Variants in KDM4C observed in about 807,000 individuals in gnomAD.
KDM4C encodes lysine demethylase 4C.
In KDM4C, 81 loss-of-function variants were observed where a neutral mutation model predicts 129.3. That is an observed-to-expected ratio of 0.63 (90% CI 0.52 to 0.75). KDM4C has a LOEUF of 0.75. Ranked by LOEUF, KDM4C falls within the 30% of genes least tolerant of loss-of-function variation. KDM4C has a pLI of 0.00. For missense variants in KDM4C, 1,457 were observed against 1,304.0 expected, an observed-to-expected ratio of 1.12 and a Z score of -1.81; for synonymous variants, 573 against 456.1, an observed-to-expected ratio of 1.26 and a Z score of -3.26.
chr9:7,050,402 G>A (rs1411536730), intron 17 of KDM4C, among the ~76,000 whole-genome samples: 4 of 115,920 alleles, frequency 3.5e-5, no homozygotes, highest in Admixed American at 1.2e-4. Context: ...TCAGCTCCTG[G>A]ACTTCCATAG....
At chr9:7,056,807 C>G (rs1481684555) in intron 17 of KDM4C, among the ~76,000 whole-genome samples, 2 of 152,128 alleles carry the variant, frequency 1.3e-5, no homozygotes, top group Non-Finnish European at 2.9e-5. Flanking sequence ...TTTTTCTGAT[C>G]TTGTCTGTGT....
At chr9:6,919,982 A>G (rs1309695092) in intron 8 of KDM4C, among the ~76,000 whole-genome samples, 1 of 152,208 alleles carries the variant, frequency 6.6e-6, no homozygotes, top group Non-Finnish European at 1.5e-5. Context: ...GAATTGCCTG[A>G]CAAGTTCTTC....
At chr9:6,925,504 C>A in intron 8 of KDM4C, 1 of 841,084 alleles carries the variant, frequency 1.2e-6, no homozygotes, top group Non-Finnish European at 1.4e-6. Context: ...CCATCTTGCT[C>A]ATGCTGCTTT....
In KDM4C at chr9:7,113,088, AAGAG is replaced by A. The variant is rs1838512542; in HGVS notation, c.2610+9222_2610+9225del. Reference sequence around the variant, plus strand: ...TGAATTTGCAGTGTTATTATTGACAAAGAGAGATTTCTGACCAAAGCAAAGGGAT... The same window carrying A: ...TGAATTTGCAGTGTTATTATTGACAAAGATTTCTGACCAAAGCAAAGGGAT... On this transcript the variant is annotated intron_variant, in intron 18 of 21. Coordinates refer to ENST00000381309, the MANE Select transcript of KDM4C (RefSeq NM_015061.6). Among the ~76,000 whole-genome samples, 3 of 152,306 alleles carry A rather than the reference AAGAG, an allele frequency of 2.0e-5. No individual in the cohort carries two copies. The South Asian group carries it at 6.2e-4, about 32-fold the overall frequency.
At chr9:6,797,267 A>C (rs1588327712) in intron 2 of KDM4C, among the ~76,000 whole-genome samples, 1 of 152,114 alleles carries the variant, frequency 6.6e-6, no homozygotes, top group South Asian at 2.1e-4. Context: ...GATTACAGGC[A>C]TGAGCCACTG....
In KDM4C at chr9:6,916,273, T is replaced by A. The variant is rs552449688; in HGVS notation, c.921+23041T>A. The stretch of plus-strand genomic sequence containing the variant: ...TTTATTCTGAGTGATGGGGAGCCTA[T>A]GAGCATTTTAAAGAAGAGGTTCAAT... On this transcript the variant is annotated intron_variant, in intron 8 of 21. Transcript: ENST00000381309. Among the ~76,000 whole-genome samples, 3 of 152,256 alleles carry A rather than the reference T, an allele frequency of 2.0e-5. No individual in the cohort carries two copies. In the South Asian group the frequency reaches 6.2e-4, roughly 32 times the overall value.
At chr9:6,788,466 C>A (rs1825907287) in intron 1 of KDM4C, among the ~76,000 whole-genome samples, 1 of 152,202 alleles carries the variant, frequency 6.6e-6, no homozygotes. Flanking sequence ...TCTCACTGCC[C>A]AGATTTTTCT....
intron 2 of KDM4C, among the ~76,000 whole-genome samples, chr9:6,804,539 C>G (rs976794725): frequency 3.9e-5 from 6 of 152,114 alleles, no homozygotes; most frequent in African/African-American, 1.2e-4. Flanking sequence ...ACGGGTGGAT[C>G]ATGAGGTCAG....
chr9:6,885,371 G>A lies in KDM4C; in HGVS notation c.680-2589G>A, dbSNP rs548475405. ...AACATCCTTTGGATGGGTATAGCAC[G>A]TGATCCTTGAGAGAGCTTATGAGAT... On this transcript the variant is annotated intron_variant, in intron 6 of 21. Coordinates refer to ENST00000381309, the MANE Select transcript of KDM4C (RefSeq NM_015061.6). 9.9e-4 allele frequency among the ~76,000 whole-genome samples: 150 copies of A among 152,240 alleles called. 1 individual carries two copies. Among genetic ancestry groups the A allele is most frequent in the Non-Finnish European group, 1.5e-3 (100 of 68,014 alleles).
At chr9:6,952,346 C>T (rs959049601) in intron 8 of KDM4C, among the ~76,000 whole-genome samples, 1 of 150,722 alleles carries the variant, frequency 6.6e-6, no homozygotes, top group African/African-American at 2.4e-5. Flanking sequence ...GAGTATGAAA[C>T]CATTCAGTAA....
At chr9:6,827,053 A>C (rs1003113646) in intron 4 of KDM4C, among the ~76,000 whole-genome samples, 2 of 152,282 alleles carry the variant, frequency 1.3e-5, no homozygotes, top group Non-Finnish European at 2.9e-5. Flanking sequence ...GGGTGGCCAG[A>C]TCGCTGCTAA....
chr9:6,737,673 A>G (rs1817569618), intron 1 of KDM4C, among the ~76,000 whole-genome samples: 1 of 151,240 alleles, frequency 6.6e-6, no homozygotes, highest in African/African-American at 2.4e-5. Context: ...TCAAAAAAAA[A>G]AAAAAAAAAA....
rs750005411 is a variant in KDM4C, at chr9:6,805,559, A to G, written c.145-40A>G. The stretch of plus-strand genomic sequence containing the variant: ...ACTTAAAAGCTAAATTACTTGGAGT[A>G]TTTTCAAGATGATATTTTATTTCAT... On this transcript the variant is annotated intron_variant, in intron 2 of 21. Coordinates refer to ENST00000381309, the MANE Select transcript of KDM4C (RefSeq NM_015061.6). 2.1e-5 allele frequency: 31 copies of G among 1,457,476 alleles called. 1 individual carries two copies. In the South Asian group the frequency reaches 3.2e-4, roughly 15 times the overall value. 90.3% of individuals were successfully genotyped at this position (1,457,476 alleles called of 1,614,324 possible). A position where few individuals can be genotyped will look rare whatever the true frequency, so the allele number is the denominator to read the frequency against.
intron 17 of KDM4C, among the ~76,000 whole-genome samples, chr9:7,062,628 C>T (rs562547495): frequency 6.6e-6 from 1 of 152,182 alleles, no homozygotes; most frequent in South Asian, 2.1e-4. Context: ...AAGTGATCCT[C>T]CTACCTTAGC....
At chr9:6,858,991 A>C (rs535135791) in intron 5 of KDM4C, among the ~76,000 whole-genome samples, 1 of 152,212 alleles carries the variant, frequency 6.6e-6, no homozygotes, top group African/African-American at 2.4e-5. Context: ...TCATGATTGC[A>C]TTTCTAAAGC....
At chr9:6,985,929 G>T (rs1361627195) in intron 10 of KDM4C, among the ~76,000 whole-genome samples, 1 of 152,194 alleles carries the variant, frequency 6.6e-6, no homozygotes, top group Non-Finnish European at 1.5e-5. Context: ...GGCCTCAAGT[G>T]ATCCACCTGC....
At chr9:6,939,973 C>CCTAA (rs1293739582) in intron 8 of KDM4C, among the ~76,000 whole-genome samples, 6 of 130,424 alleles carry the variant, frequency 4.6e-5, no homozygotes, top group Non-Finnish European at 8.5e-5. Flanking sequence ...TACCTACCTA[C>CCTAA]CTACCTTCCT....
At chr9:6,961,267 A>G (rs181143486) in intron 8 of KDM4C, among the ~76,000 whole-genome samples, 5 of 152,348 alleles carry the variant, frequency 3.3e-5, no homozygotes, top group South Asian at 2.1e-4. Flanking sequence ...ATCCAGTGGT[A>G]ATTATGGAGG....
intron 9 of KDM4C, chr9:6,982,084 G>A (rs1331108972): frequency 6.6e-6 from 1 of 151,712 alleles, no homozygotes; most frequent in East Asian, 1.9e-4. Flanking sequence ...GTAACTGATT[G>A]ATTTGCTGCA....
Sources: gnomAD v4.1 joint callset for allele counts (sites outside exome capture counted in the v4.1 genomes callset) on GRCh38, gnomAD v4.1.1 for gene constraint, MANE v1.5 for transcripts, NCBI Gene and HGNC (gene_info 2026-07-23, HGNC 2026-07-21) for gene names.